ANK3: variants seen among roughly 807,000 people sequenced by gnomAD.
ANK3 encodes the protein ankyrin 3.
In ANK3, 57 loss-of-function variants were observed where a neutral mutation model predicts 370.9. That is an observed-to-expected ratio of 0.15 (90% CI 0.12 to 0.19). The LOEUF (loss-of-function observed/expected upper bound fraction) is 0.19, where lower values mean the gene tolerates loss of function less well. ANK3 is among the 10% of genes least tolerant of loss of function. The probability of loss-of-function intolerance (pLI) is 1.00; values close to 1 mark genes in which losing one functional copy is unlikely to be tolerated. For missense variants in ANK3, 4,439 were observed against 5,302.1 expected (o/e 0.84, Z 5.06); for synonymous variants, 1,929 against 1,946.3 (o/e 0.99, Z 0.23).
At position 60,070,780 on chromosome 10, in the gene ANK3, T is replaced by C; in HGVS notation, c.10101A>G (p.Lys3367=). ...CAAGGCCAAGGCCAAATTCATTATC[T>C]TTTCCAGATCCATTACTTTCCAGTT... The part of the protein sequence containing the change: ...QKELESNGSG[K]DNEFGLGLDS... The change falls in exon 37 of 44, where the codon AAA becomes AAG. Residue 3367 remains lysine, a synonymous_variant. Coordinates refer to ENST00000280772, the MANE Select transcript of ANK3 (RefSeq NM_020987.5). The surrounding 1 kb of genome is among the most constrained non-coding windows in gnomAD (Gnocchi z 5.7). 13 of 1,614,216 alleles carry C rather than the reference T, an allele frequency of 8.1e-6. No individual in the cohort carries two copies. The highest frequency in any genetic ancestry group is 1.0e-5 in the Non-Finnish European group (12 of 1,180,026).
chr10:60,657,223 C>T (rs796293340), intron 1 of ANK3, among the ~76,000 whole-genome samples: 16 of 152,224 alleles, frequency 1.1e-4, no homozygotes, highest in African/African-American at 2.6e-4. Context: ...GAGAAAGATC[C>T]GCCCCCATGA....
At chr10:60,556,103 C>T (rs1157774767) in intron 2 of ANK3, among the ~76,000 whole-genome samples, 1 of 152,166 alleles carries the variant, frequency 6.6e-6, no homozygotes, top group Non-Finnish European at 1.5e-5. Context: ...CCTCTGACTC[C>T]AGACATTAAA....
intron 1 of ANK3, among the ~76,000 whole-genome samples, chr10:60,285,211 C>A (rs1183911587): frequency 6.6e-6 from 1 of 152,112 alleles, no homozygotes; most frequent in Non-Finnish European, 1.5e-5. Context: ...AAATAACCTA[C>A]TGTTAGGATA....
rs1379813940 is a variant in ANK3 at position 60,072,759 on chromosome 10, A to T, written c.8122T>A (p.Phe2708Ile). The T allele has an allele frequency of 6.2e-7, 1 of 1,614,002 alleles. No homozygotes were observed. Among genetic ancestry groups the T allele is most frequent in the Non-Finnish European group, 8.5e-7 (1 of 1,180,006 alleles). ...SKAPDGPQSGFQLKQSKLSSI... is the reference protein window; with the variant it reads ...SKAPDGPQSGIQLKQSKLSSI... ...CTGAGTTTAGATTGTTTGAGCTGGA[A>T]TCCAGACTGGGGCCCATCTGGTGCT... The change falls in exon 37 of 44, where the codon TTC (phenylalanine) becomes ATC (isoleucine). Residue 2708 changes from phenylalanine (F) to isoleucine (I), a missense_variant. Physicochemically the swap from Phe to Ile is conservative, Grantham distance 21. Around this residue, in one of 13 missense-constraint regions of ANK3, gnomAD observed 1,601 missense variants for 1,731.7 expected, o/e 0.92. Transcript: ENST00000280772.
chr10:60,636,173 T>C (rs2078552133), intron 1 of ANK3, among the ~76,000 whole-genome samples: 1 of 152,242 alleles, frequency 6.6e-6, no homozygotes. Context: ...ATGTTGCTTT[T>C]AATAGGCAAC....
intron 1 of ANK3, among the ~76,000 whole-genome samples, chr10:60,351,389 G>A (rs1249845091): frequency 6.6e-6 from 1 of 152,076 alleles, no homozygotes; most frequent in African/African-American, 2.4e-5. Flanking sequence ...TCAGATGCAC[G>A]CTAATGGCAG....
intron 1 of ANK3, among the ~76,000 whole-genome samples, chr10:60,325,771 A>T: frequency 6.6e-6 from 1 of 152,274 alleles, no homozygotes; most frequent in South Asian, 2.1e-4. Context: ...CAGCAATCCC[A>T]TTACTGGGTA....
At chr10:60,180,594 CAAAAAAA>C (rs58386273) in intron 18 of ANK3, among the ~76,000 whole-genome samples, 3 of 63,426 alleles carry the variant, frequency 4.7e-5, no homozygotes, top group African/African-American at 2.1e-4. Context: ...GACTCCGTCT[CAAAAAAA>C]AAAAAAAAAA....
rs1021544992 is a variant in ANK3 at position 60,389,817 on chromosome 10, T to C, written c.-279A>G. On this transcript the variant is annotated 5_prime_UTR_variant, in exon 1 of 44. Coordinates refer to ENST00000280772, the MANE Select transcript of ANK3 (RefSeq NM_020987.5). ...CATTTACCGTAGTGAAGAAGACAGC[T>C]GGGACAGAGGAAGCTGTATTATGGC... 8.3e-7 allele frequency: 1 copy of C among 1,209,424 alleles called. No individual in the cohort carries two copies. Among genetic ancestry groups the C allele is most frequent in the Non-Finnish European group, 1.0e-6 (1 of 969,304 alleles). The allele number at this position is 1,209,424 out of a possible 1,614,324, so 74.9% of individuals were successfully genotyped here. A position where few individuals can be genotyped will look rare whatever the true frequency, so the allele number is the denominator to read the frequency against.
intron 2 of ANK3, among the ~76,000 whole-genome samples, chr10:60,535,574 G>A (rs562440779): frequency 2.6e-5 from 4 of 152,154 alleles, no homozygotes; most frequent in Admixed American, 2.6e-4. Flanking sequence ...GCAATAAAGA[G>A]GAGGGGCTGT....
In ANK3 at chr10:60,086,879, C is replaced by T; in HGVS notation, c.3546G>A (p.Gln1182=). 1 of 1,605,814 alleles carries T rather than the reference C, an allele frequency of 6.2e-7. No individual in the cohort carries two copies. The highest frequency in any genetic ancestry group is 1.1e-5 in the South Asian group (1 of 90,878). The change falls in exon 30 of 44, where the codon CAG becomes CAA. Residue 1182 remains glutamine, a synonymous_variant. Transcript: ENST00000280772. ...TTTTCACAATTTCATCTGGAACAGGCTGGGCCTAGAGACAGAGAAAGGACT... is the reference window on the plus strand; with the variant it reads ...TTTTCACAATTTCATCTGGAACAGGTTGGGCCTAGAGACAGAGAAAGGACT... ...TKRIRVGLQA[Q]PVPDEIVKKI...
intron 1 of ANK3, among the ~76,000 whole-genome samples, chr10:60,284,644 C>T (rs560399845): frequency 6.6e-6 from 1 of 152,244 alleles, no homozygotes; most frequent in Non-Finnish European, 1.5e-5. Flanking sequence ...ATTTTAGGCA[C>T]CTTCAGGTAT....
rs750959725 is a variant in ANK3, at chr10:60,063,206, A to G, written c.12500T>C (p.Val4167Ala). Reference sequence around the variant, plus strand: ...AAATATTGGTCCTTCTAGCAGTGTCACTATATCTATTCGATTAATTTTTGT... The same window carrying G: ...AAATATTGGTCCTTCTAGCAGTGTCGCTATATCTATTCGATTAATTTTTGT... ...VLTKINRIDI[V>A]TLLEGPIFDY... Residue 4167 changes from valine to alanine, a missense_variant, in exon 40 of 44, where the codon GTG becomes GCG. By Grantham distance (64) the Val-to-Ala change is moderately conservative. Around this residue, in one of 13 missense-constraint regions of ANK3, gnomAD observed 99 missense variants for 150.7 expected, o/e 0.66. Coordinates refer to ENST00000280772, the MANE Select transcript of ANK3 (RefSeq NM_020987.5). The G allele has an allele frequency of 8.7e-6, 14 of 1,612,042 alleles. No homozygotes were observed. The highest frequency in any genetic ancestry group is 3.3e-5 in the Admixed American group (2 of 59,742).
intron 9 of ANK3, among the ~76,000 whole-genome samples, chr10:60,210,345 C>T (rs964642344): frequency 2.6e-5 from 4 of 151,792 alleles, no homozygotes; most frequent in Admixed American, 6.6e-5. Flanking sequence ...CGTGAGAAAA[C>T]GCCTGTCTAT....
intron 18 of ANK3, among the ~76,000 whole-genome samples, chr10:60,174,689 T>C (rs1017852057): frequency 1.3e-5 from 2 of 152,176 alleles, no homozygotes; most frequent in Admixed American, 1.3e-4. Flanking sequence ...CCATTTCTAA[T>C]AGTTGTTGAG....
rs531499988 is a variant in ANK3, at chr10:60,451,003, G to A, written c.96+164183C>T. ...AGGATCTTGAGAAGAGATTATCCTGGATTAGGGTGGACCCTGAATCCAATG... is the reference window on the plus strand; with the variant it reads ...AGGATCTTGAGAAGAGATTATCCTGAATTAGGGTGGACCCTGAATCCAATG... On this transcript the variant is annotated intron_variant, in intron 2 of 43. Coordinates refer to the ANK3 transcript ENST00000373827. Among the ~76,000 whole-genome samples the A allele has an allele frequency of 6.6e-5, 10 of 152,272 alleles. No homozygotes were observed. In the South Asian group the frequency reaches 1.9e-3, roughly 28 times the overall value.
At chr10:60,047,412 A>AT (rs1282345046) in intron 42 of ANK3, among the ~76,000 whole-genome samples, 1 of 152,242 alleles carries the variant, frequency 6.6e-6, no homozygotes, top group Non-Finnish European at 1.5e-5. Context: ...GCTTTGATGG[A>AT]TACGTTAAAA....
At chr10:60,640,088 A>C (rs1055755615) in intron 1 of ANK3, among the ~76,000 whole-genome samples, 1 of 152,158 alleles carries the variant, frequency 6.6e-6, no homozygotes, top group Middle Eastern at 3.2e-3. Context: ...AGTAGGCTTG[A>C]GAATAAAGAA....
chr10:60,197,201 G>C (rs761871370), intron 14 of ANK3, among the ~76,000 whole-genome samples: 1 of 152,212 alleles, frequency 6.6e-6, no homozygotes, highest in Non-Finnish European at 1.5e-5. Context: ...TTTGCCACCA[G>C]AGGTGAACTG....
Sources: gnomAD v4.1 joint callset for allele counts (sites outside exome capture counted in the v4.1 genomes callset) on GRCh38, gnomAD v4.1.1 for gene constraint, gnomAD v4.1.1 regional missense constraint, Gnocchi (gnomAD v3.1) non-coding constraint, MANE v1.5 for transcripts, NCBI Gene and HGNC (gene_info 2026-07-23, HGNC 2026-07-21) for gene names.